Variants in CNTN5 observed in about 807,000 individuals in gnomAD.
CNTN5 encodes contactin 5, also known as contactin-5.
CNTN5 carries 77 observed loss-of-function variants against 129.1 expected under a neutral mutation model. The ratio of observed to expected loss-of-function variants is 0.60; its 90% CI spans 0.50 to 0.72. The LOEUF (loss-of-function observed/expected upper bound fraction) is 0.72. CNTN5 is among the 30% of genes least tolerant of loss of function. The pLI is 0.00. For synonymous variants in CNTN5, 509 were observed against 465.6 expected, an observed-to-expected ratio of 1.09 and a Z score of -1.20; for missense variants, 1,478 against 1,328.8, an observed-to-expected ratio of 1.11 and a Z score of -1.75.
chr11:99,080,917 A>G (rs528724371), intron 1 of CNTN5, among the ~76,000 whole-genome samples: 10 of 151,704 alleles, frequency 6.6e-5, no homozygotes, highest in African/African-American at 2.4e-4. Context: ...TTTTCCTTAG[A>G]GACAGTTGCA....
At chr11:100,148,559 T>C (rs912372246) in intron 13 of CNTN5, among the ~76,000 whole-genome samples, 3 of 152,198 alleles carry the variant, frequency 2.0e-5, no homozygotes, top group African/African-American at 7.2e-5. Flanking sequence ...TAACTCCCTT[T>C]GATCTCAAGT....
At chr11:100,132,044 G>A (rs949575508) in intron 13 of CNTN5, among the ~76,000 whole-genome samples, 1 of 152,142 alleles carries the variant, frequency 6.6e-6, no homozygotes, top group African/African-American at 2.4e-5. Flanking sequence ...GGAGGCCTTG[G>A]GAGTAGAAGA....
chr11:100,039,126 T>C (rs1169926004), intron 9 of CNTN5, among the ~76,000 whole-genome samples: 1 of 152,220 alleles, frequency 6.6e-6, no homozygotes, highest in Non-Finnish European at 1.5e-5. Flanking sequence ...CTTTCCATGT[T>C]TAGTGCTTCC....
chr11:100,007,814 TAACTGAGCACAGGCCTAG>T (rs1396468005), intron 9 of CNTN5, among the ~76,000 whole-genome samples: 2 of 151,974 alleles, frequency 1.3e-5, no homozygotes, highest in Non-Finnish European at 2.9e-5. Context: ...ACAAGTCGGC[TAACTGAGCACAGGCCTAG>T]CTTTCAGTCT....
chr11:99,801,412 A>G (rs1946110184), intron 3 of CNTN5, among the ~76,000 whole-genome samples: 1 of 151,996 alleles, frequency 6.6e-6, no homozygotes, highest in African/African-American at 2.4e-5. Flanking sequence ...TATAGCTTGG[A>G]GATGTTCATT....
At chr11:99,354,547 A>G (rs990357442) in intron 2 of CNTN5, among the ~76,000 whole-genome samples, 1 of 152,214 alleles carries the variant, frequency 6.6e-6, no homozygotes, top group Non-Finnish European at 1.5e-5. Flanking sequence ...ACTGGAAATA[A>G]TAAAAAGCAA....
chr11:99,538,807 A>G (rs1947993830), intron 2 of CNTN5, among the ~76,000 whole-genome samples: 1 of 152,108 alleles, frequency 6.6e-6, no homozygotes, highest in South Asian at 2.1e-4. Flanking sequence ...AGAACAATTA[A>G]TCTTGTACTA....
chr11:99,753,267 T>C (rs1170485380), intron 3 of CNTN5, among the ~76,000 whole-genome samples: 5 of 150,974 alleles, frequency 3.3e-5, no homozygotes, highest in African/African-American at 9.7e-5. Flanking sequence ...GGACTACAGG[T>C]GCCCGCCACC....
chr11:99,561,411 A>G (rs1948838638), intron 3 of CNTN5, among the ~76,000 whole-genome samples: 1 of 152,196 alleles, frequency 6.6e-6, no homozygotes, highest in Non-Finnish European at 1.5e-5. Flanking sequence ...GAATCAGGAA[A>G]ATTGATCAAT....
chr11:100,017,736 G>C (rs572029482), intron 9 of CNTN5, among the ~76,000 whole-genome samples: 1 of 152,074 alleles, frequency 6.6e-6, no homozygotes, highest in South Asian at 2.1e-4. Flanking sequence ...AGTTATTGTA[G>C]CGTCAACAGT....
intron 7 of CNTN5, among the ~76,000 whole-genome samples, chr11:99,923,388 G>A (rs955532471): frequency 2.6e-5 from 4 of 152,098 alleles, no homozygotes; most frequent in Non-Finnish European, 5.9e-5. Context: ...GTAAAGGAAG[G>A]CTTTGTGAAA....
At chr11:99,435,996 A>G (rs943485854) in intron 2 of CNTN5, among the ~76,000 whole-genome samples, 5 of 152,202 alleles carry the variant, frequency 3.3e-5, no homozygotes, top group Non-Finnish European at 5.9e-5. Context: ...TCATAATTTT[A>G]TCAAATTTTC....
intron 8 of CNTN5, among the ~76,000 whole-genome samples, chr11:99,967,706 C>A (rs1027875617): frequency 6.6e-6 from 1 of 152,066 alleles, no homozygotes; most frequent in African/African-American, 2.4e-5. Flanking sequence ...TTTTTCCGAG[C>A]CGTAATTCCT....
intron 13 of CNTN5, among the ~76,000 whole-genome samples, chr11:100,085,120 G>A (rs1944498801): frequency 6.6e-6 from 1 of 152,044 alleles, no homozygotes; most frequent in East Asian, 1.9e-4. Flanking sequence ...TAGGCCCAAA[G>A]AGCACGTGGT....
intron 9 of CNTN5, among the ~76,000 whole-genome samples, chr11:100,050,489 G>T (rs913161124): frequency 1.8e-4 from 27 of 152,042 alleles, no homozygotes; most frequent in African/African-American, 4.3e-4. Flanking sequence ...GTGGGGAGAG[G>T]GGGGAGGGAT....
chr11:100,225,888 A>T (rs1480029431), intron 16 of CNTN5, among the ~76,000 whole-genome samples: 1 of 152,082 alleles, frequency 6.6e-6, no homozygotes, highest in Non-Finnish European at 1.5e-5. Flanking sequence ...GCATAGAGTG[A>T]GCCTCATCAT....
At chr11:99,084,064 C>T (rs532429714) in intron 1 of CNTN5, among the ~76,000 whole-genome samples, 2 of 152,282 alleles carry the variant, frequency 1.3e-5, no homozygotes, top group African/African-American at 2.4e-5. Context: ...GCTTGAAACC[C>T]TTACTGAAGT....
At chr11:100,346,040 A>G (rs1952271226) in intron 23 of CNTN5, among the ~76,000 whole-genome samples, 1 of 152,140 alleles carries the variant, frequency 6.6e-6, no homozygotes, top group Non-Finnish European at 1.5e-5. Flanking sequence ...GTGCCACTTT[A>G]TTTTGTTGTA....
At chr11:100,350,180 CA>C (rs1170447211) in intron 23 of CNTN5, among the ~76,000 whole-genome samples, 1 of 151,758 alleles carries the variant, frequency 6.6e-6, no homozygotes, top group Non-Finnish European at 1.5e-5. Context: ...GTATGTTTAA[CA>C]AATTTTGTTT....
Sources: gnomAD v4.1 joint callset for allele counts (sites outside exome capture counted in the v4.1 genomes callset) on GRCh38, gnomAD v4.1.1 for gene constraint, MANE v1.5 for transcripts, NCBI Gene and HGNC (gene_info 2026-07-23, HGNC 2026-07-21) for gene names.